CPED1: variants seen among roughly 807,000 people sequenced by gnomAD.
The protein encoded by CPED1 is cadherin like and PC-esterase domain containing 1.
A neutral mutation model predicts 128.2 loss-of-function variants in CPED1; 114 were observed. The ratio of observed to expected loss-of-function variants is 0.89; its 90% confidence interval spans 0.76 to 1.04. CPED1 has a LOEUF of 1.04. Ranked by LOEUF, CPED1 falls within the 50% of genes least tolerant of loss-of-function variation. The pLI, the probability that CPED1 is intolerant of heterozygous loss-of-function variation, is 0.00. For missense variants in CPED1, 1,211 were observed against 1,207.1 expected (o/e 1.00, Z -0.05); for synonymous variants, 462 against 426.7 (o/e 1.08, Z -1.02).
chr7:121,221,561 C>A (rs372360404), intron 16 of CPED1, among the ~76,000 whole-genome samples: 1 of 152,334 alleles, frequency 6.6e-6, no homozygotes, highest in East Asian at 1.9e-4. Context: ...AATGGTTGAA[C>A]TAATTTACAC....
chr7:121,090,300 C>T (rs139522952), intron 5 of CPED1, among the ~76,000 whole-genome samples: 628 of 152,284 alleles, frequency 4.1e-3, no homozygotes, highest in Non-Finnish European at 7.6e-3. Context: ...AATTGTGTCT[C>T]CACTTCACTG....
chr7:121,028,390 C>G (rs759112852), intron 3 of CPED1, among the ~76,000 whole-genome samples: 41 of 152,266 alleles, frequency 2.7e-4, no homozygotes, highest in Admixed American at 1.6e-3. Flanking sequence ...CCTCATTTGC[C>G]TTGCCAGGAC....
intron 16 of CPED1, among the ~76,000 whole-genome samples, chr7:121,235,489 G>T (rs74384357): frequency 6.6e-6 from 1 of 152,068 alleles, no homozygotes; most frequent in South Asian, 2.1e-4. Flanking sequence ...GGACAGTTGA[G>T]AATATGAGAG....
intron 4 of CPED1, among the ~76,000 whole-genome samples, chr7:121,059,212 C>T (rs1793586263): frequency 6.6e-6 from 1 of 152,132 alleles, no homozygotes; most frequent in Non-Finnish European, 1.5e-5. Context: ...GTCCCTAAAG[C>T]TAGGATGCTG....
At position 121,128,443 on chromosome 7, in the gene CPED1, T is replaced by C. The variant is rs1411388768; in HGVS notation, c.1364T>C (p.Met455Thr). ...TCCTTAGAAGAAATTAACTCAATTA[T>C]GACTTTCATAAAGGAACTTGGAAGT... ...CLSLEEINSI[M>T]TFIKELGSLG... is the part of the protein sequence containing the mutation. The change falls in exon 11 of 23, where the codon ATG becomes ACG. Residue 455 changes from methionine to threonine, a missense_variant. Met to Thr is a moderately conservative substitution (Grantham distance 81). Coordinates refer to ENST00000310396, the MANE Select transcript of CPED1 (RefSeq NM_024913.5). 6.2e-7 allele frequency: 1 copy of C among 1,604,268 alleles called. No individual in the cohort carries two copies. The highest frequency in any genetic ancestry group is 8.5e-7 in the Non-Finnish European group (1 of 1,171,240).
intron 6 of CPED1, among the ~76,000 whole-genome samples, chr7:121,098,749 TATATAA>T (rs200540790): frequency 7.9e-5 from 4 of 50,530 alleles, no homozygotes; most frequent in East Asian, 7.3e-4. Flanking sequence ...TATATAAAAA[TATATAA>T]AAATATATAT....
chr7:121,236,844 T>G lies in CPED1; in HGVS notation c.2173+13T>G. The G allele has an allele frequency of 7.4e-7, 1 of 1,344,074 alleles. No homozygotes were observed. Among genetic ancestry groups the G allele is most frequent in the Non-Finnish European group, 1.1e-6 (1 of 948,530 alleles). The allele number at this position is 1,344,074 out of a possible 1,614,324, so 83.3% of individuals were successfully genotyped here. A position where few individuals can be genotyped will look rare whatever the true frequency, so the allele number is the denominator to read the frequency against. On this transcript the variant is annotated intron_variant, in intron 17 of 22. Transcript: ENST00000310396. ...GGGGACATGAAAGGTGACTATCACATTGGATATCACTTCTCTAAAAAAAGA... is the reference window on the plus strand; with the variant it reads ...GGGGACATGAAAGGTGACTATCACAGTGGATATCACTTCTCTAAAAAAAGA...
rs546628465 is a variant in CPED1, at chr7:121,129,844, C to T, written c.1408-281C>T. Among the ~76,000 whole-genome samples the T allele has an allele frequency of 3.3e-5, 5 of 150,954 alleles. No homozygotes were observed. The East Asian group carries it at 7.8e-4, about 24-fold the overall frequency. On this transcript the variant is annotated intron_variant, in intron 11 of 22. Coordinates refer to ENST00000310396, the MANE Select transcript of CPED1 (RefSeq NM_024913.5). ...CTGCCTAACTCTGTTATTCATGTGT[C>T]TTCTGGTATCTGTAACAGGAAAGAG...
intron 2 of CPED1, among the ~76,000 whole-genome samples, chr7:121,004,010 C>T (rs1791937692): frequency 1.3e-5 from 2 of 152,182 alleles, no homozygotes; most frequent in African/African-American, 4.8e-5. Context: ...ATGGTCCCTC[C>T]ATGAATAGGA....
chr7:121,120,737 G>T (rs1393358887), intron 7 of CPED1, among the ~76,000 whole-genome samples: 3 of 151,920 alleles, frequency 2.0e-5, no homozygotes, highest in Non-Finnish European at 4.4e-5. Flanking sequence ...TTTATTACAA[G>T]ACACCAGAAA....
chr7:121,090,898 G>A (rs1794557464), intron 5 of CPED1, among the ~76,000 whole-genome samples: 1 of 151,952 alleles, frequency 6.6e-6, no homozygotes, highest in Non-Finnish European at 1.5e-5. Flanking sequence ...GTAGTGAGCC[G>A]AGATCCTGCC....
At chr7:121,287,492 A>G (rs2116783471) in intron 22 of CPED1, among the ~76,000 whole-genome samples, 1 of 152,278 alleles carries the variant, frequency 6.6e-6, no homozygotes, top group East Asian at 1.9e-4. Flanking sequence ...GGAAGCACCA[A>G]GTTTGTAACC....
chr7:121,294,971 GA>G (rs1792793661), intron 22 of CPED1, among the ~76,000 whole-genome samples: 1 of 151,982 alleles, frequency 6.6e-6, no homozygotes. Flanking sequence ...GTCTGCAATG[GA>G]AAAAAATTTT....
intron 21 of CPED1, 68 bp from the exon 22 acceptor site, chr7:121,271,216 C>A (rs1182682633): frequency 3.9e-6 from 5 of 1,294,514 alleles, no homozygotes; most frequent in South Asian, 1.4e-5. Context: ...ATAATTTCCA[C>A]CTAACTTATT....
At chr7:121,146,799 G>A (rs533380904) in intron 16 of CPED1, among the ~76,000 whole-genome samples, 33 of 152,136 alleles carry the variant, frequency 2.2e-4, no homozygotes, top group Non-Finnish European at 3.2e-4. Flanking sequence ...TCCCAGAGAC[G>A]GCTCTGAATT....
At position 121,064,284 on chromosome 7, in the gene CPED1, G is replaced by T; in HGVS notation, c.587G>T (p.Gly196Val). Residue 196 changes from glycine (G) to valine (V), a missense_variant, in exon 5 of 23, where the codon GGA (glycine) becomes GTA (valine). Coordinates refer to ENST00000310396, the MANE Select transcript of CPED1 (RefSeq NM_024913.5). The stretch of plus-strand genomic sequence containing the variant: ...CAGCAGCCACTTTGCAGAAAGGAAG[G>T]ATTATGTCAAATAGTTAGAAGATTC... ...EIQQPLCRKE[G>V]LCQIVRRFPE... 1 of 1,612,754 alleles carries T rather than the reference G, an allele frequency of 6.2e-7. No individual in the cohort carries two copies. The highest frequency in any genetic ancestry group is 8.5e-7 in the Non-Finnish European group (1 of 1,178,796).
chr7:121,161,882 A>G (rs539540296), intron 16 of CPED1, among the ~76,000 whole-genome samples: 1 of 152,346 alleles, frequency 6.6e-6, no homozygotes, highest in East Asian at 1.9e-4. Context: ...AGTTATTCAA[A>G]AAAAATAAAA....
intron 2 of CPED1, among the ~76,000 whole-genome samples, chr7:121,015,418 A>G (rs1167530505): frequency 6.6e-6 from 1 of 152,180 alleles, no homozygotes; most frequent in East Asian, 1.9e-4. Context: ...GTATTCCTCC[A>G]AGGACCTCTA....
intron 22 of CPED1, among the ~76,000 whole-genome samples, chr7:121,285,028 G>A (rs1792537915): frequency 6.6e-6 from 1 of 152,166 alleles, no homozygotes; most frequent in Non-Finnish European, 1.5e-5. Flanking sequence ...ACTTCTGCCT[G>A]GACATCCAGG....
Sources: allele counts gnomAD v4.1 joint callset (sites outside exome capture counted in the v4.1 genomes callset), GRCh38; gene constraint gnomAD v4.1.1; transcripts MANE v1.5; gene names NCBI Gene and HGNC (gene_info 2026-07-23, HGNC 2026-07-21).